Variants in DIS3L2 observed in about 807,000 individuals in gnomAD.
DIS3L2 encodes DIS3 like 3'-5' exoribonuclease 2.
A neutral mutation model predicts 97.5 loss-of-function variants in DIS3L2; 34 were observed. That is an observed-to-expected ratio of 0.35 (90% CI 0.27 to 0.46). The LOEUF is 0.46. Among genes scored for constraint, DIS3L2 ranks in the 20% least tolerant of loss-of-function variants. The probability of loss-of-function intolerance (pLI) is 1.00; values close to 1 mark genes in which losing one functional copy is unlikely to be tolerated. For synonymous variants in DIS3L2, 435 were observed against 445.2 expected (o/e 0.98, Z 0.29); for missense variants, 1,038 against 1,146.0 (o/e 0.91, Z 1.36).
At chr2:232,174,169 A>G (rs529473516) in intron 9 of DIS3L2, among the ~76,000 whole-genome samples, 1 of 152,284 alleles carries the variant, frequency 6.6e-6, no homozygotes, top group Non-Finnish European at 1.5e-5. Context: ...CTACATATTT[A>G]TTCTTTTTGA....
rs10669283 is a variant in DIS3L2, at chr2:231,981,598, TTATATATATATATA to T, written c.-94+19859_-94+19872del. On this transcript the variant is annotated intron_variant, in intron 1 of 20. Transcript: ENST00000325385. Reference sequence around the variant, plus strand: ...CAGTAATGTTATACTGTTAAGTATTTTATATATATATATATATATATATATATATATATATATAT... The same window carrying T: ...CAGTAATGTTATACTGTTAAGTATTTTATATATATATATATATATATATAT... 3.1e-3 allele frequency among the ~76,000 whole-genome samples: 258 copies of T among 84,056 alleles called. 7 individuals carry two copies. In the East Asian group the frequency reaches 0.079, roughly 26 times the overall value. The allele number at this position is 84,056 out of a possible 152,430, so 55.1% of individuals were successfully genotyped here.
rs2106355262 is a variant in DIS3L2 at position 232,136,483 on chromosome 2, C to T, written c.714C>T (p.Ile238=). Residue 238 remains isoleucine (I), a synonymous_variant, in exon 8 of 21, where the codon ATC becomes ATT. Transcript: ENST00000325385. ...SLQRSAKVVY[I]LEKKHSRAAT... is the part of the protein sequence containing the mutation. ...TTTGGTGTTTTTAGGTGGTTTACATCTTGGAGAAAAAACATTCTCGAGCAG... is the reference window on the plus strand; with the variant it reads ...TTTGGTGTTTTTAGGTGGTTTACATTTTGGAGAAAAAACATTCTCGAGCAG... The T allele has an allele frequency of 6.2e-7, 1 of 1,613,936 alleles. No homozygotes were observed. The highest frequency in any genetic ancestry group is 8.5e-7 in the Non-Finnish European group (1 of 1,179,898).
intron 8 of DIS3L2, among the ~76,000 whole-genome samples, chr2:232,138,936 G>A (rs2880324): frequency 0.93 from 141,410 of 152,258 alleles, 65,750 homozygotes; most frequent in East Asian, 1. Context: ...AGTTCACCAG[G>A]CTGGTTTTGA....
intron 11 of DIS3L2, among the ~76,000 whole-genome samples, chr2:232,239,510 G>A (rs955080301): frequency 2.0e-5 from 3 of 151,910 alleles, no homozygotes; most frequent in Non-Finnish European, 4.4e-5. Context: ...TTCCTTCTTC[G>A]GCCATATCTG....
chr2:231,963,214 C>A (rs1272285001), intron 1 of DIS3L2, among the ~76,000 whole-genome samples: 1 of 152,140 alleles, frequency 6.6e-6, no homozygotes, highest in South Asian at 2.1e-4. Context: ...TTAAATGTTC[C>A]CTTTCCAAGG....
chr2:231,976,499 C>A (rs531855602), intron 1 of DIS3L2, among the ~76,000 whole-genome samples: 8 of 151,594 alleles, frequency 5.3e-5, no homozygotes, highest in Admixed American at 1.3e-4. Flanking sequence ...TATGGTGGTG[C>A]GTGCCTATAG....
At chr2:231,992,311 G>T (rs1319290829) in intron 1 of DIS3L2, among the ~76,000 whole-genome samples, 1 of 152,062 alleles carries the variant, frequency 6.6e-6, no homozygotes, top group East Asian at 1.9e-4. Flanking sequence ...GTGAGAATGT[G>T]CAGGGAGCTT....
chr2:232,012,806 G>A (rs1694244590), intron 1 of DIS3L2, among the ~76,000 whole-genome samples: 1 of 152,058 alleles, frequency 6.6e-6, no homozygotes, highest in Non-Finnish European at 1.5e-5. Context: ...CACGGGGAAG[G>A]GAATGTTGCT....
At chr2:232,088,039 T>C (rs1438899820) in intron 6 of DIS3L2, among the ~76,000 whole-genome samples, 14 of 152,352 alleles carry the variant, frequency 9.2e-5, no homozygotes, top group African/African-American at 3.1e-4. Flanking sequence ...ACAATTAAAC[T>C]GGTATGTAAA....
rs115576945 is a variant in DIS3L2, at chr2:232,205,036, C to T, written c.1125-5290C>T. Among the ~76,000 whole-genome samples, 1,401 of 152,184 alleles carry T rather than the reference C, an allele frequency of 9.2e-3. 8 individuals are homozygous for T. The highest frequency in any genetic ancestry group is 0.017 in the South Asian group (81 of 4,818). On this transcript the variant is annotated intron_variant, in intron 9 of 20. Coordinates refer to ENST00000325385, the MANE Select transcript of DIS3L2 (RefSeq NM_152383.5). ...TCTGCTGCTACAGTAGAAATACTTT[C>T]TGAGAGCCCTCTGAGTTTTGCTGTC... is the stretch of plus-strand genomic sequence containing the variant.
At position 232,145,619 on chromosome 2, in the gene DIS3L2, C is replaced by T. The variant is rs1239557381; in HGVS notation, c.950+8900C>T. 4.6e-5 allele frequency among the ~76,000 whole-genome samples: 7 copies of T among 151,668 alleles called. No homozygotes were observed. In the East Asian group the frequency reaches 1.4e-3, roughly 29 times the overall value. ...TAGTAGCAGGCATTTTTTTTAATTC[C>T]TGATTTTTTGATGTGTTAATAAGTT... On this transcript the variant is annotated intron_variant, in intron 8 of 20. Coordinates refer to ENST00000325385, the MANE Select transcript of DIS3L2 (RefSeq NM_152383.5).
intron 9 of DIS3L2, among the ~76,000 whole-genome samples, chr2:232,184,432 A>G (rs1047479557): frequency 6.6e-6 from 1 of 152,134 alleles, no homozygotes; most frequent in African/African-American, 2.4e-5. Context: ...GGGTGGATTG[A>G]TTGAGTCCAG....
intron 6 of DIS3L2, among the ~76,000 whole-genome samples, chr2:232,092,254 G>A (rs937759906): frequency 1.3e-5 from 2 of 152,108 alleles, no homozygotes; most frequent in East Asian, 3.8e-4. Flanking sequence ...TCTCTACTCT[G>A]TTCCACTGGT....
In DIS3L2 at chr2:232,130,658, C is replaced by A. The variant is rs1698189740; in HGVS notation, c.641C>A (p.Thr214Asn). 1.9e-6 allele frequency: 3 copies of A among 1,613,504 alleles called. No individual in the cohort carries two copies. The highest frequency in any genetic ancestry group is 1.7e-5 in the Admixed American group (1 of 59,942). Reference protein sequence around the residue: ...DGDAPVTKDETTCISQDTRAL... With the variant: ...DGDAPVTKDENTCISQDTRAL... The stretch of plus-strand genomic sequence containing the variant: ...GATGCACCGGTTACAAAAGATGAGA[C>A]CACCTGCATTTCACAAGACACAAGA... The change falls in exon 7 of 21, where the codon ACC (threonine) becomes AAC (asparagine). Residue 214 changes from threonine to asparagine, a missense_variant. By Grantham distance (65) the Thr-to-Asn change is moderately conservative. Around this residue, in one of 3 missense-constraint regions of DIS3L2, gnomAD observed 813 missense variants for 880.1 expected, o/e 0.92. Transcript: ENST00000325385.
At position 232,337,059 on chromosome 2, in the gene DIS3L2, ACCCCTCGCTGCTGAG is replaced by A. The variant is rs1248616566; in HGVS notation, c.*432_*446del. On this transcript the variant is annotated 3_prime_UTR_variant, in exon 21 of 21. Transcript: ENST00000325385. Reference sequence around the variant, plus strand: ...GGGCAAGGGACCCAGTTCAGGCTTCACCCCTCGCTGCTGAGCCGATGTCAACACCTGGAACTTTCC... The same window carrying A: ...GGGCAAGGGACCCAGTTCAGGCTTCACCGATGTCAACACCTGGAACTTTCC... The A allele has an allele frequency of 7.6e-6, 8 of 1,046,134 alleles. No individual in the cohort carries two copies. In the African/African-American group the frequency reaches 1.4e-4, roughly 18 times the overall value. The allele number at this position is 1,046,134 out of a possible 1,614,324, so 64.8% of individuals were successfully genotyped here.
intron 3 of DIS3L2, among the ~76,000 whole-genome samples, chr2:232,020,508 A>G (rs1037902642): frequency 6.6e-6 from 1 of 152,136 alleles, no homozygotes; most frequent in Non-Finnish European, 1.5e-5. Flanking sequence ...TTTCGAATTG[A>G]GCAGCTGGCT....
chr2:232,206,555 T>C (rs1692030927), intron 9 of DIS3L2, among the ~76,000 whole-genome samples: 1 of 152,222 alleles, frequency 6.6e-6, no homozygotes, highest in African/African-American at 2.4e-5. Context: ...TTTTTAGTCA[T>C]TTAAACATGC....
At chr2:232,283,218 T>C (rs1395482845) in intron 13 of DIS3L2, among the ~76,000 whole-genome samples, 1 of 152,186 alleles carries the variant, frequency 6.6e-6, no homozygotes, top group Non-Finnish European at 1.5e-5. Flanking sequence ...GCTTAAACAC[T>C]TGTCAAAACT....
intron 14 of DIS3L2, among the ~76,000 whole-genome samples, chr2:232,317,551 C>G (rs1433626717): frequency 6.6e-6 from 1 of 152,136 alleles, no homozygotes; most frequent in Non-Finnish European, 1.5e-5. Context: ...ATTCATGTGC[C>G]TCAGCCTCCC....
Sources: allele counts gnomAD v4.1 joint callset (sites outside exome capture counted in the v4.1 genomes callset), GRCh38; gene constraint gnomAD v4.1.1; regional missense constraint gnomAD v4.1.1; transcripts MANE v1.5; gene names NCBI Gene and HGNC (gene_info 2026-07-23, HGNC 2026-07-21).